The following EYS variants were observed in gnomAD, a reference collection of about 807,000 sequenced individuals.
EYS encodes the protein protein eyes shut homolog.
Under a neutral mutation model 282.1 loss-of-function variants are expected in EYS, and 250 were observed. That is an observed-to-expected ratio of 0.89 (90% CI 0.80 to 0.98). EYS has a LOEUF of 0.98. EYS is among the 50% of genes least tolerant of loss of function. EYS has a pLI of 0.00. For synonymous variants in EYS, 1,355 were observed against 1,282.9 expected (o/e 1.06, Z -1.20); for missense variants, 4,016 against 3,709.0 (o/e 1.08, Z -2.15).
chr6:63,986,068 C>A (rs1231970371), intron 34 of EYS, among the ~76,000 whole-genome samples: 1 of 151,558 alleles, frequency 6.6e-6, no homozygotes, highest in African/African-American at 2.4e-5. Flanking sequence ...GGAATGTATA[C>A]AAATTTACAA....
intron 22 of EYS, among the ~76,000 whole-genome samples, chr6:64,766,649 A>AAAAAAAAAAT (rs1387919586): frequency 5.2e-5 from 1 of 19,050 alleles, no homozygotes; most frequent in African/African-American, 1.8e-4. Context: ...AAAAAAAAAA[A>AAAAAAAAAAT]ATATATATAT....
At chr6:65,407,712 A>T (rs891378844) in intron 5 of EYS, among the ~76,000 whole-genome samples, 1 of 151,488 alleles carries the variant, frequency 6.6e-6, no homozygotes, top group Non-Finnish European at 1.5e-5. Flanking sequence ...GAATAAAGAC[A>T]GTTTTACTGC....
chr6:65,086,140 AC>A, intron 12 of EYS, among the ~76,000 whole-genome samples: 1 of 151,554 alleles, frequency 6.6e-6, no homozygotes, highest in Non-Finnish European at 1.5e-5. Context: ...ACATGGTGAA[AC>A]CCCGTATCTA....
chr6:63,901,424 G>A (rs147899544), intron 35 of EYS, among the ~76,000 whole-genome samples: 46 of 152,290 alleles, frequency 3.0e-4, no homozygotes, highest in Middle Eastern at 3.4e-3. Flanking sequence ...GTAATGCACC[G>A]AGGAGAGCAA....
At chr6:65,467,421 C>A (rs1765042704) in intron 5 of EYS, among the ~76,000 whole-genome samples, 1 of 151,620 alleles carries the variant, frequency 6.6e-6, no homozygotes, top group Non-Finnish European at 1.5e-5. Context: ...CATTTCCTTA[C>A]CAAAAGACTA....
chr6:63,726,716 T>C (rs768560517), intron 41 of EYS, 36 bp from the exon 42 acceptor site: 51 of 1,511,878 alleles, frequency 3.4e-5, no homozygotes, highest in Non-Finnish European at 4.4e-5. Context: ...CTGGGAGTTA[T>C]CTGCTGGATT....
chr6:64,302,847 TAATG>T (rs1245265787), intron 30 of EYS, among the ~76,000 whole-genome samples: 2 of 152,116 alleles, frequency 1.3e-5, no homozygotes, highest in Non-Finnish European at 2.9e-5. Context: ...ATGTAAACAA[TAATG>T]AATGGTGTGG....
chr6:64,895,907 A>T (rs1767445572), intron 18 of EYS, among the ~76,000 whole-genome samples: 1 of 152,082 alleles, frequency 6.6e-6, no homozygotes, highest in South Asian at 2.1e-4. Flanking sequence ...CTTTCATCCT[A>T]GTGTAAAGAA....
At chr6:65,593,533 G>GGATGGGGCCAATTATA (rs1164596451) in intron 2 of EYS, among the ~76,000 whole-genome samples, 2 of 151,938 alleles carry the variant, frequency 1.3e-5, no homozygotes, top group Admixed American at 1.3e-4. Context: ...AGTTATAATT[G>GGATGGGGCCAATTATA]GATGGGGCCA....
intron 2 of EYS, among the ~76,000 whole-genome samples, chr6:65,541,042 T>G (rs1768151386): frequency 6.6e-6 from 1 of 152,128 alleles, no homozygotes; most frequent in African/African-American, 2.4e-5. Context: ...TAAAATTGCC[T>G]ATATAGTTTG....
chr6:64,909,392 T>C (rs1460906301), intron 16 of EYS, among the ~76,000 whole-genome samples: 1 of 152,140 alleles, frequency 6.6e-6, no homozygotes, highest in African/African-American at 2.4e-5. Flanking sequence ...GTGTCAAAAA[T>C]AAAACCCATT....
intron 1 of EYS, among the ~76,000 whole-genome samples, chr6:65,643,448 C>G (rs1464518623): frequency 6.6e-6 from 1 of 152,116 alleles, no homozygotes; most frequent in Non-Finnish European, 1.5e-5. Flanking sequence ...TTTCTCTAAC[C>G]AGTGTAGTTG....
intron 41 of EYS, among the ~76,000 whole-genome samples, chr6:63,755,212 A>G (rs972563307): frequency 2.0e-5 from 3 of 152,138 alleles, no homozygotes; most frequent in African/African-American, 7.2e-5. Context: ...CCACTTGTCA[A>G]TTTTGGCTTT....
At chr6:65,293,304 T>C (rs553687132) in intron 12 of EYS, among the ~76,000 whole-genome samples, 4 of 151,758 alleles carry the variant, frequency 2.6e-5, no homozygotes, top group Admixed American at 1.3e-4. Flanking sequence ...TAAAATATTA[T>C]AGATATAAAT....
intron 12 of EYS, among the ~76,000 whole-genome samples, chr6:65,186,225 G>A (rs1411966490): frequency 6.6e-6 from 1 of 151,680 alleles, no homozygotes; most frequent in Non-Finnish European, 1.5e-5. Context: ...AATTGAAGAT[G>A]GGAATGAGAA....
At position 64,769,136 on chromosome 6, in the gene EYS, G is replaced by A. The variant is rs553038704; in HGVS notation, c.3443+44242C>T. Among the ~76,000 whole-genome samples, 6 of 152,180 alleles carry A rather than the reference G, an allele frequency of 3.9e-5. No homozygotes were observed. In the South Asian group the frequency reaches 8.3e-4, roughly 21 times the overall value. ...CATACTTATATGAAAACTACATGGC[G>A]TAATGGGACAGCAACTAAAGAAGGT... is the stretch of plus-strand genomic sequence containing the variant. On this transcript the variant is annotated intron_variant, in intron 22 of 42. Transcript: ENST00000503581.
intron 26 of EYS, among the ~76,000 whole-genome samples, chr6:64,444,068 C>T (rs1775040813): frequency 6.6e-6 from 1 of 151,842 alleles, no homozygotes; most frequent in African/African-American, 2.4e-5. Flanking sequence ...ACTATTCCAC[C>T]ATGACAATGC....
intron 22 of EYS, among the ~76,000 whole-genome samples, chr6:64,687,651 T>A (rs1366240140): frequency 6.6e-6 from 1 of 152,252 alleles, no homozygotes; most frequent in African/African-American, 2.4e-5. Context: ...TTTGCATCAA[T>A]GTTCATCAGG....
intron 29 of EYS, among the ~76,000 whole-genome samples, chr6:64,378,301 T>C (rs904412400): frequency 6.6e-6 from 1 of 152,118 alleles, no homozygotes; most frequent in African/African-American, 2.4e-5. Context: ...TAATCTGTTT[T>C]TCTAAGTAAT....
Sources: gnomAD v4.1 joint callset for allele counts (sites outside exome capture counted in the v4.1 genomes callset) on GRCh38, gnomAD v4.1.1 for gene constraint, MANE v1.5 for transcripts, NCBI Gene and HGNC (gene_info 2026-07-23, HGNC 2026-07-21) for gene names.